The following TOX2 variants were observed in gnomAD, a reference collection of about 807,000 sequenced individuals.
TOX2 encodes TOX high mobility group box family member 2, also known as granulosa cell HMG box 1.
A neutral mutation model predicts 47.4 loss-of-function variants in TOX2; 15 were observed. That is an observed-to-expected ratio of 0.32 (90% CI 0.21 to 0.49). TOX2 has a LOEUF of 0.49. Among genes scored for constraint, TOX2 ranks in the 20% least tolerant of loss-of-function variants. The pLI is 0.99. For synonymous variants in TOX2, 290 were observed against 296.6 expected (o/e 0.98, Z 0.23); for missense variants, 622 against 673.1 (o/e 0.92, Z 0.84).
At chr20:43,979,181 G>C in intron 2 of TOX2, among the ~76,000 whole-genome samples, 1 of 152,180 alleles carries the variant, frequency 6.6e-6, no homozygotes, top group East Asian at 1.9e-4. Context: ...TGTTCAAGTA[G>C]ATAGATGATG....
intron 4 of TOX2, among the ~76,000 whole-genome samples, chr20:44,052,215 A>G (rs2071525714): frequency 6.6e-6 from 1 of 152,136 alleles, no homozygotes; most frequent in Non-Finnish European, 1.5e-5. Flanking sequence ...TGGAGTCTAG[A>G]GTGGTTTGAC....
At chr20:44,020,746 T>C (rs1275406953) in intron 3 of TOX2, among the ~76,000 whole-genome samples, 1 of 152,180 alleles carries the variant, frequency 6.6e-6, no homozygotes, top group Non-Finnish European at 1.5e-5. Context: ...TCCAGGGGCT[T>C]CTAATGCCAG....
chr20:43,940,601 T>C (rs1258004236), intron 1 of TOX2, among the ~76,000 whole-genome samples: 4 of 151,786 alleles, frequency 2.6e-5, no homozygotes, highest in African/African-American at 9.7e-5. Flanking sequence ...AAGGGGCTGC[T>C]ATGGGGATCC....
chr20:43,948,252 A>T (rs1569023345), intron 1 of TOX2, among the ~76,000 whole-genome samples: 1 of 152,164 alleles, frequency 6.6e-6, no homozygotes, highest in African/African-American at 2.4e-5. Context: ...AGGTGTGCAG[A>T]AGTGGGAGGC....
intron 5 of TOX2, among the ~76,000 whole-genome samples, chr20:44,059,667 C>T (rs527457742): frequency 6.6e-6 from 1 of 152,300 alleles, no homozygotes; most frequent in African/African-American, 2.4e-5. Flanking sequence ...TCCAGCAAAA[C>T]TAAGCTTCAT....
chr20:43,997,145 G>A (rs1317552520), intron 2 of TOX2, among the ~76,000 whole-genome samples: 2 of 152,158 alleles, frequency 1.3e-5, no homozygotes, highest in Non-Finnish European at 2.9e-5. Flanking sequence ...ATACAGCATT[G>A]TGGTGGGAAA....
At chr20:43,997,599 A>G (rs1197599799) in intron 2 of TOX2, among the ~76,000 whole-genome samples, 2 of 152,142 alleles carry the variant, frequency 1.3e-5, no homozygotes, top group Non-Finnish European at 2.9e-5. Context: ...TTTTCAAAAA[A>G]ACAATCTCTT....
At chr20:43,997,683 C>G (rs529469179) in intron 2 of TOX2, among the ~76,000 whole-genome samples, 4 of 151,930 alleles carry the variant, frequency 2.6e-5, no homozygotes, top group Non-Finnish European at 5.9e-5. Flanking sequence ...TTTTGTTATT[C>G]TATTTCTACC....
At chr20:43,960,398 A>G (rs1417414700) in intron 1 of TOX2, among the ~76,000 whole-genome samples, 3 of 152,158 alleles carry the variant, frequency 2.0e-5, no homozygotes, top group African/African-American at 7.2e-5. Context: ...GGCATCCTGG[A>G]TCCGATGGCC....
chr20:44,053,466 A>T (rs1471032783), intron 4 of TOX2, among the ~76,000 whole-genome samples: 1 of 150,236 alleles, frequency 6.7e-6, no homozygotes, highest in African/African-American at 2.5e-5. Flanking sequence ...ACACACACAC[A>T]CACACATATA....
rs146889712 is a variant in TOX2 at position 44,020,050 on chromosome 20, G to A, written c.411+13258G>A. On this transcript the variant is annotated intron_variant, in intron 3 of 8. Transcript: ENST00000341197. ...GCATCAGCTGCACATGTAACCAGCT[G>A]TGCGACCTCAGCCAAGCTGTTTAAC... is the stretch of plus-strand genomic sequence containing the variant. Among the ~76,000 whole-genome samples, 964 of 152,338 alleles carry A rather than the reference G, an allele frequency of 6.3e-3. 3 individuals are homozygous for A. The highest frequency in any genetic ancestry group is 0.016 in the South Asian group (76 of 4,826).
intron 3 of TOX2, among the ~76,000 whole-genome samples, chr20:44,017,459 C>T (rs1031481579): frequency 7.2e-5 from 11 of 152,136 alleles, no homozygotes; most frequent in South Asian, 4.1e-4. Context: ...CGAGAGCTGA[C>T]GTGGGCAGCT....
chr20:44,017,357 G>A (rs1251691399), intron 3 of TOX2, among the ~76,000 whole-genome samples: 1 of 152,202 alleles, frequency 6.6e-6, no homozygotes, highest in East Asian at 1.9e-4. Context: ...GTCTAGGAGT[G>A]GCGGGCAGGG....
chr20:43,923,066 G>A (rs2069127980), intron 1 of TOX2, among the ~76,000 whole-genome samples: 1 of 147,606 alleles, frequency 6.8e-6, no homozygotes, highest in South Asian at 2.1e-4. Flanking sequence ...CTGGGGGCAT[G>A]TAGAGTGGTG....
intron 5 of TOX2, among the ~76,000 whole-genome samples, chr20:44,058,993 C>G (rs187380364): frequency 4.6e-5 from 7 of 152,332 alleles, no homozygotes; most frequent in Admixed American, 6.5e-5. Context: ...CAAAAGATAA[C>G]ACTAGCTCAA....
At position 43,923,983 on chromosome 20, in the gene TOX2, T is replaced by G. The variant is rs377622387; in HGVS notation, c.99+8993T>G. ...GAGGGGACTGCCCAAGCCTTTGATT[T>G]CTGCATCATCTGGTCATTTCAGCAT... is the stretch of plus-strand genomic sequence containing the variant. On this transcript the variant is annotated intron_variant, in intron 1 of 8. Transcript: ENST00000341197. Among the ~76,000 whole-genome samples the G allele has an allele frequency of 4.6e-5, 7 of 152,308 alleles. 1 individual carries two copies. Among genetic ancestry groups the G allele is most frequent in the African/African-American group, 1.7e-4 (7 of 41,568 alleles).
chr20:44,057,334 GTCT>G (rs1405081020), intron 5 of TOX2, among the ~76,000 whole-genome samples: 1 of 152,176 alleles, frequency 6.6e-6, no homozygotes, highest in African/African-American at 2.4e-5. Context: ...GGGGATAGTG[GTCT>G]TCTTACTTTG....
At chr20:44,046,064 C>A (rs930337398) in intron 3 of TOX2, among the ~76,000 whole-genome samples, 3 of 152,162 alleles carry the variant, frequency 2.0e-5, no homozygotes, top group African/African-American at 7.2e-5. Context: ...GATTAATAAT[C>A]AAATACATAT....
chr20:44,043,907 C>A (rs1212954073), intron 3 of TOX2, among the ~76,000 whole-genome samples: 1 of 152,160 alleles, frequency 6.6e-6, no homozygotes, highest in Non-Finnish European at 1.5e-5. Flanking sequence ...AAGAAATGGA[C>A]CCAGCCATCC....
Sources: gnomAD v4.1 joint callset for allele counts (sites outside exome capture counted in the v4.1 genomes callset) on GRCh38, gnomAD v4.1.1 for gene constraint, MANE v1.5 for transcripts, NCBI Gene and HGNC (gene_info 2026-07-23, HGNC 2026-07-21) for gene names.